Variants in MBNL2 observed in about 807,000 individuals in gnomAD.
The protein encoded by MBNL2 is muscleblind-like protein 2.
MBNL2 carries 17 observed loss-of-function variants against 41.9 expected under a neutral mutation model. That is an observed-to-expected ratio of 0.41 (90% confidence interval 0.28 to 0.61). MBNL2 has a LOEUF of 0.61. Among genes scored for constraint, MBNL2 ranks in the 20% least tolerant of loss-of-function variants. The pLI is 0.35. For synonymous variants in MBNL2, 195 were observed against 182.9 expected, an observed-to-expected ratio of 1.07 and a Z score of -0.53; for missense variants, 336 against 505.6, an observed-to-expected ratio of 0.66 and a Z score of 3.22.
the MBNL2 span, among the ~76,000 whole-genome samples, chr13:97,182,300 AAGC>A: frequency 6.6e-6 from 1 of 152,238 alleles, no homozygotes; most frequent in Non-Finnish European, 1.5e-5. Flanking sequence ...AGGGAAGTCA[AAGC>A]AGCAGGTGGA....
chr13:97,219,453 A>G (rs1034267525), upstream of MBNL2, among the ~76,000 whole-genome samples: 3 of 152,202 alleles, frequency 2.0e-5, no homozygotes, highest in Non-Finnish European at 4.4e-5. Flanking sequence ...ATACAACAGA[A>G]GTTTGTTTTC....
chr13:97,385,321 C>T (rs1032068901), intron 8 of MBNL2, among the ~76,000 whole-genome samples: 2 of 152,178 alleles, frequency 1.3e-5, no homozygotes, highest in African/African-American at 4.8e-5. Flanking sequence ...ATGTTAGTGA[C>T]ATCAAGATGC....
intron 1 of MBNL2, among the ~76,000 whole-genome samples, chr13:97,244,472 C>T (rs1487386822): frequency 1.3e-5 from 2 of 152,184 alleles, no homozygotes; most frequent in Non-Finnish European, 2.9e-5. Context: ...AGAGACAAGT[C>T]AACTTATAGT....
intron 2 of MBNL2, among the ~76,000 whole-genome samples, chr13:97,301,320 A>G (rs988816783): frequency 6.6e-6 from 1 of 152,166 alleles, no homozygotes; most frequent in Non-Finnish European, 1.5e-5. Context: ...GAGAGAGAAA[A>G]TGAAGCAGAG....
At position 97,290,874 on chromosome 13, in the gene MBNL2, G is replaced by A. The variant is rs114766191; in HGVS notation, c.174+14465G>A. 8.0e-3 allele frequency among the ~76,000 whole-genome samples: 1,226 copies of A among 152,326 alleles called. 14 individuals are homozygous for A. Among genetic ancestry groups the A allele is most frequent in the African/African-American group, 0.028 (1,175 of 41,572 alleles). ...CCAAGGAGTTGCTTTCTGAGCTGAG[G>A]CCTGAAGGAGAAGAGAGGAAGGCTT... is the stretch of plus-strand genomic sequence containing the variant. On this transcript the variant is annotated intron_variant, in intron 2 of 8. Coordinates refer to ENST00000679496, the MANE Select transcript of MBNL2 (RefSeq NM_001382683.1).
the MBNL2 span, among the ~76,000 whole-genome samples, chr13:97,192,743 C>T: frequency 6.6e-6 from 1 of 152,192 alleles, no homozygotes; most frequent in African/African-American, 2.4e-5. Context: ...CCTGTGGCCA[C>T]AGTTCGAAAA....
At chr13:97,206,286 T>G in the MBNL2 span, among the ~76,000 whole-genome samples, 759 of 152,248 alleles carry the variant, frequency 5.0e-3, 4 homozygotes, top group Non-Finnish European at 7.7e-3. Flanking sequence ...TCTTTCAATC[T>G]TTGTTCACTG....
chr13:97,258,730 G>A (rs1300898720), intron 1 of MBNL2, among the ~76,000 whole-genome samples: 1 of 152,158 alleles, frequency 6.6e-6, no homozygotes, highest in Non-Finnish European at 1.5e-5. Flanking sequence ...TGCAAAAATA[G>A]TGGGATGGGG....
chr13:97,234,687 G>T (rs991503675), intron 1 of MBNL2, among the ~76,000 whole-genome samples: 3 of 152,194 alleles, frequency 2.0e-5, no homozygotes, highest in Non-Finnish European at 4.4e-5. Context: ...CTGATGGATC[G>T]AGATTTAAAT....
chr13:97,219,780 G>A (rs141257185), upstream of MBNL2, among the ~76,000 whole-genome samples: 95 of 152,334 alleles, frequency 6.2e-4, no homozygotes, highest in South Asian at 1.4e-3. Flanking sequence ...ACAAAGGAGT[G>A]TGGAAAAATT....
At chr13:97,381,043 A>G (rs2065402812) in intron 8 of MBNL2, among the ~76,000 whole-genome samples, 1 of 151,566 alleles carries the variant, frequency 6.6e-6, no homozygotes, top group African/African-American at 2.4e-5. Context: ...TTTACACACA[A>G]TTGAGTGGTT....
intron 2 of MBNL2, among the ~76,000 whole-genome samples, chr13:97,322,415 C>A (rs1387503705): frequency 6.6e-6 from 1 of 152,132 alleles, no homozygotes; most frequent in Non-Finnish European, 1.5e-5. Flanking sequence ...TAGAACAGTT[C>A]AAAAGCAATA....
chr13:97,165,636 G>A, the MBNL2 span, among the ~76,000 whole-genome samples: 18 of 152,160 alleles, frequency 1.2e-4, no homozygotes, highest in African/African-American at 4.1e-4. Flanking sequence ...AATGTAAAGG[G>A]TAGTGAATCC....
At chr13:97,261,438 C>T (rs1234626066) in intron 1 of MBNL2, among the ~76,000 whole-genome samples, 1 of 152,182 alleles carries the variant, frequency 6.6e-6, no homozygotes, top group East Asian at 1.9e-4. Flanking sequence ...AGCCTCATAC[C>T]TCAGGCCTTT....
intron 8 of MBNL2, among the ~76,000 whole-genome samples, chr13:97,373,658 C>T (rs58215626): frequency 0.028 from 4,242 of 150,872 alleles, 221 homozygotes; most frequent in African/African-American, 0.099. Flanking sequence ...GATACTCTGT[C>T]TATCTTAGGT....
At chr13:97,174,736 C>G in the MBNL2 span, among the ~76,000 whole-genome samples, 1 of 152,178 alleles carries the variant, frequency 6.6e-6, no homozygotes, top group Admixed American at 6.5e-5. Flanking sequence ...TTAATGATCT[C>G]CCTTATCTCA....
the MBNL2 span, among the ~76,000 whole-genome samples, chr13:97,180,880 A>C: frequency 2.0e-5 from 3 of 152,180 alleles, no homozygotes; most frequent in East Asian, 3.8e-4. Flanking sequence ...TCTAAAGGTT[A>C]GAAGCCCAAA....
chr13:97,180,622 G>A, the MBNL2 span, among the ~76,000 whole-genome samples: 1 of 151,142 alleles, frequency 6.6e-6, no homozygotes, highest in Non-Finnish European at 1.5e-5. Flanking sequence ...CACGCCTGTA[G>A]TCCCAGCTAC....
chr13:97,179,987 C>T, the MBNL2 span, among the ~76,000 whole-genome samples: 6 of 152,048 alleles, frequency 3.9e-5, no homozygotes, highest in African/African-American at 1.4e-4. Context: ...AATTTCTGAC[C>T]AGATTTTCAT....
Sources: gnomAD v4.1 joint callset for allele counts (sites outside exome capture counted in the v4.1 genomes callset) on GRCh38, gnomAD v4.1.1 for gene constraint, MANE v1.5 for transcripts, NCBI Gene and HGNC (gene_info 2026-07-23, HGNC 2026-07-21) for gene names.